Variants in FAM171A2 observed in about 807,000 individuals in gnomAD.
The protein encoded by FAM171A2 is protein FAM171A2.
Under a neutral mutation model 34.2 loss-of-function variants are expected in FAM171A2, and 13 were observed. The observed-to-expected ratio is 0.38, with a 90% CI of 0.25 to 0.60. FAM171A2 has a LOEUF of 0.60. Among genes scored for constraint, FAM171A2 ranks in the 20% least tolerant of loss-of-function variants. FAM171A2 has a pLI of 0.62. For missense variants in FAM171A2, 950 were observed against 1,180.7 expected (o/e 0.80, Z 2.86); for synonymous variants, 475 against 561.2 (o/e 0.85, Z 2.17).
At chr17:44,357,920 T>C (rs1301816830) in intron 3 of FAM171A2, among the ~76,000 whole-genome samples, 1 of 152,192 alleles carries the variant, frequency 6.6e-6, no homozygotes, top group Non-Finnish European at 1.5e-5. Flanking sequence ...ATTATCAACC[T>C]CATTTTAGAG....
Position 44,356,524 on chromosome 17 carries a change from G to A in FAM171A2, c.504C>T (p.Thr168=), listed in dbSNP as rs1321505893. ...TAAGTGACGCCCAGAGCTGGCTGTA[G>A]GTGGAGCTGACAGGCAGGCGGGCAG... ...RRAARLPVSS[T]YSQLWASLTP... Residue 168 remains threonine (T), a synonymous_variant, in exon 4 of 8, where the codon ACC becomes ACT. Transcript: ENST00000293443. The A allele has an allele frequency of 6.5e-7, 1 of 1,550,358 alleles. No individual in the cohort carries two copies. The highest frequency in any genetic ancestry group is 8.7e-7 in the Non-Finnish European group (1 of 1,146,876).
Position 44,359,969 on chromosome 17 carries a change from C to T in FAM171A2, c.282G>A (p.Leu94=), listed in dbSNP as rs1022058319. The T allele has an allele frequency of 2.0e-5, 31 of 1,551,430 alleles. No homozygotes were observed. The highest frequency in any genetic ancestry group is 2.7e-5 in the Non-Finnish European group (31 of 1,146,936). The change falls in exon 2 of 8, where the codon CTG becomes CTA. Residue 94 remains leucine (L), a synonymous_variant. Coordinates refer to ENST00000293443, the MANE Select transcript of FAM171A2 (RefSeq NM_198475.3). ...GGAAGCCAGGGCGGGCAGCAGTGAC[C>T]AGCACCCAGGTGCCCAAGCGATAAC... is the stretch of plus-strand genomic sequence containing the variant. ...PLSYRLGTWV[L]VTAARPGFLT...
rs751814906 is a variant in FAM171A2 at position 44,359,676 on chromosome 17, G to A, written c.347-5C>T. The A allele has an allele frequency of 5.8e-6, 9 of 1,549,836 alleles. No homozygotes were observed. Among genetic ancestry groups the A allele is most frequent in the East Asian group, 4.9e-5 (2 of 40,916 alleles). ...AGAGGCTGACAGACGCATACACTGCGGGAGGGATGGCCGGTCAGCTCCAGG... is the reference window on the plus strand; with the variant it reads ...AGAGGCTGACAGACGCATACACTGCAGGAGGGATGGCCGGTCAGCTCCAGG... On this transcript the variant is annotated splice_region_variant and splice_polypyrimidine_tract_variant and intron_variant, in intron 2 of 7. Coordinates refer to ENST00000293443, the MANE Select transcript of FAM171A2 (RefSeq NM_198475.3).
intron 5 of FAM171A2, 25 bp from the exon 6 acceptor site, chr17:44,356,099 C>G: frequency 6.6e-7 from 1 of 1,525,896 alleles, no homozygotes; most frequent in Non-Finnish European, 8.8e-7. Context: ...GGTTTTGTCA[C>G]ACTTGAGTCG....
At chr17:44,359,418 A>T (rs1377120619) in intron 3 of FAM171A2, 161 bp downstream of exon 3, 2 of 622,968 alleles carry the variant, frequency 3.2e-6, no homozygotes, top group East Asian at 5.5e-5. Flanking sequence ...CAATTTGATG[A>T]TGTAGGCACT....
chr17:44,356,634 C>G, intron 3 of FAM171A2, 46 bp from the exon 4 acceptor site: 1 of 1,492,716 alleles, frequency 6.7e-7, no homozygotes, highest in East Asian at 2.5e-5. Context: ...GGACAGGGAT[C>G]CCCAGGGACC....
chr17:44,353,740 A>G lies in FAM171A2; in HGVS notation c.2474T>C (p.Val825Ala). The stretch of plus-strand genomic sequence containing the variant: ...CCAGGCCCTGCGCGGGCGCTACTTG[A>G]CGTTGAACACCATCAGCGGCCGCTC... ...REERPLMVFNVK is the reference protein window; with the variant it reads ...REERPLMVFNAK Residue 825 changes from valine to alanine, a missense_variant, in exon 8 of 8, where the codon GTC becomes GCC. Physicochemically the swap from Val to Ala is moderately conservative, Grantham distance 64. Transcript: ENST00000293443. 7.1e-7 allele frequency: 1 copy of G among 1,416,360 alleles called. No individual in the cohort carries two copies. The highest frequency in any genetic ancestry group is 9.2e-7 in the Non-Finnish European group (1 of 1,083,882). 87.7% of individuals were successfully genotyped at this position (1,416,360 alleles called of 1,614,324 possible). A position where few individuals can be genotyped will look rare whatever the true frequency, so the allele number is the denominator to read the frequency against.
At position 44,354,722 on chromosome 17, in the gene FAM171A2, A is replaced by G; in HGVS notation, c.1492T>C (p.Phe498Leu). Residue 498 changes from phenylalanine to leucine, a missense_variant, in exon 8 of 8, where the codon TTC (phenylalanine) becomes CTC (leucine). Phe to Leu is a conservative substitution (Grantham distance 22). Around this residue, in one of 3 missense-constraint regions of FAM171A2, gnomAD observed 752 missense variants for 924.5 expected, o/e 0.81. Transcript: ENST00000293443. The surrounding 1 kb of genome is among the most constrained non-coding windows in gnomAD (Gnocchi z 5.8). ...KGAAEGKTPD[F>L]LLSQSVDQLA... ...TGGTCCACCGACTGCGACAGCAGGAAGTCGGGGGTCTTGCCCTCGGCCGCC... is the reference window on the plus strand; with the variant it reads ...TGGTCCACCGACTGCGACAGCAGGAGGTCGGGGGTCTTGCCCTCGGCCGCC... The G allele has an allele frequency of 7.5e-7, 1 of 1,332,162 alleles. No homozygotes were observed. Among genetic ancestry groups the G allele is most frequent in the Non-Finnish European group, 9.6e-7 (1 of 1,039,370 alleles). 82.5% of individuals were successfully genotyped at this position (1,332,162 alleles called of 1,614,324 possible).
At position 44,354,537 on chromosome 17, in the gene FAM171A2, G is replaced by T. The variant is rs945036933; in HGVS notation, c.1677C>A (p.Gly559=). 7 of 1,179,840 alleles carry T rather than the reference G, an allele frequency of 5.9e-6. No homozygotes were observed. The South Asian group carries it at 2.9e-4, about 49-fold the overall frequency. The allele number at this position is 1,179,840 out of a possible 1,614,324, so 73.1% of individuals were successfully genotyped here. ...TGCCCTCCGGCGGGGCCGGCTCGTC[G>T]CCCACGCCGGCGGCGCCCGCCTCGC... is the stretch of plus-strand genomic sequence containing the variant. ...LGGEAGAAGV[G]DEPAPPEGTA... The change falls in exon 8 of 8, where the codon GGC becomes GGA. Residue 559 remains glycine (G), a synonymous_variant. Coordinates refer to ENST00000293443, the MANE Select transcript of FAM171A2 (RefSeq NM_198475.3). The surrounding 1 kb of genome is among the most constrained non-coding windows in gnomAD (Gnocchi z 5.8).
rs1385528635 is a variant in FAM171A2 at position 44,354,955 on chromosome 17, G to C, written c.1259C>G (p.Pro420Arg). The C allele has an allele frequency of 6.9e-7, 1 of 1,448,976 alleles. No homozygotes were observed. Among genetic ancestry groups the C allele is most frequent in the East Asian group, 2.6e-5 (1 of 38,042 alleles). The allele number at this position is 1,448,976 out of a possible 1,614,324, so 89.8% of individuals were successfully genotyped here. A position where few individuals can be genotyped will look rare whatever the true frequency, so the allele number is the denominator to read the frequency against. The stretch of plus-strand genomic sequence containing the variant: ...GGCGGCCGGGCGGCTGGCAGAGCGC[G>C]GCTTGGTGCGGAAGAAGTCATCCCG... The part of the protein sequence containing the change: ...SSRDDFFRTK[P>R]RSASRPAAEP... Residue 420 changes from proline to arginine, a missense_variant, in exon 8 of 8, where the codon CCG becomes CGG. Pro to Arg is a moderately radical substitution (Grantham distance 103). Transcript: ENST00000293443. This position sits in a 1 kb window ranked among gnomAD's most constrained non-coding sequence, Gnocchi z 5.8.
rs779840482 is a variant in FAM171A2 at position 44,356,604 on chromosome 17, G to A, written c.440-16C>T. 1.3e-6 allele frequency: 2 copies of A among 1,529,564 alleles called. No homozygotes were observed. The highest frequency in any genetic ancestry group is 1.4e-5 in the African/African-American group (1 of 72,614). The allele number at this position is 1,529,564 out of a possible 1,614,324, so 94.7% of individuals were successfully genotyped here. ...GAGCGGGCACCTGGAGGGAAAGAGG[G>A]GCTGCAGTGGCTTGACCATGGACAG... On this transcript the variant is annotated splice_polypyrimidine_tract_variant and intron_variant, in intron 3 of 7. Transcript: ENST00000293443.
rs115766729 is a variant in FAM171A2, at chr17:44,361,328, G to A, written c.119-1196C>T. On this transcript the variant is annotated intron_variant, in intron 1 of 7. Transcript: ENST00000293443. The stretch of plus-strand genomic sequence containing the variant: ...CCTGCTAACAAGGTGTGTCATGCAT[G>A]TATGGACACCTCAGTGGGGGGCCCA... Among the ~76,000 whole-genome samples, 199 of 152,306 alleles carry A rather than the reference G, an allele frequency of 1.3e-3. 1 individual carries two copies. The highest frequency in any genetic ancestry group is 4.6e-3 in the African/African-American group (191 of 41,552).
rs2048419996 is a variant in FAM171A2, at chr17:44,355,793, G to C, written c.944C>G (p.Thr315Ser). Residue 315 changes from threonine to serine, a missense_variant, in exon 7 of 8, where the codon ACC becomes AGC. Coordinates refer to ENST00000293443, the MANE Select transcript of FAM171A2 (RefSeq NM_198475.3). This position sits in a 1 kb window ranked among gnomAD's most constrained non-coding sequence, Gnocchi z 4.1. Reference sequence around the variant, plus strand: ...TGCCAGGATGGTGAGCAAGAAGATGGTGTGGTAGGTGCCGATGTCCTGGAT... The same window carrying C: ...TGCCAGGATGGTGAGCAAGAAGATGCTGTGGTAGGTGCCGATGTCCTGGAT... ...SGIQDIGTYH[T>S]IFLLTILAAL... The C allele has an allele frequency of 1.9e-6, 3 of 1,551,842 alleles. No homozygotes were observed. Among genetic ancestry groups the C allele is most frequent in the Non-Finnish European group, 2.6e-6 (3 of 1,147,056 alleles).
chr17:44,359,406 T>A, intron 3 of FAM171A2, 173 bp downstream of exon 3: 1 of 615,554 alleles, frequency 1.6e-6, no homozygotes. Context: ...GATTTCTTAC[T>A]CCAATTTGAT....
At chr17:44,358,422 G>A (rs374295855) in intron 3 of FAM171A2, among the ~76,000 whole-genome samples, 3 of 152,228 alleles carry the variant, frequency 2.0e-5, no homozygotes, top group East Asian at 3.9e-4. Context: ...GCCGGGTGAA[G>A]TGACTCGCGC....
Position 44,353,737 on chromosome 17 carries a change from T to G in FAM171A2, c.2477A>C (p.Lys826Thr). 1.4e-6 allele frequency: 2 copies of G among 1,412,580 alleles called. No individual in the cohort carries two copies. Among genetic ancestry groups the G allele is most frequent in the Admixed American group, 2.6e-5 (1 of 37,938 alleles). The allele number at this position is 1,412,580 out of a possible 1,614,324, so 87.5% of individuals were successfully genotyped here. The change falls in exon 8 of 8, where the codon AAG (lysine) becomes ACG (threonine). Residue 826 changes from lysine (K) to threonine (T), a missense_variant. By Grantham distance (78) the Lys-to-Thr change is moderately conservative. This residue lies in a region of FAM171A2 where 191 missense variants were observed against 222.8 expected (regional missense o/e 0.86). Transcript: ENST00000293443. Reference sequence around the variant, plus strand: ...GTGCCAGGCCCTGCGCGGGCGCTACTTGACGTTGAACACCATCAGCGGCCG... The same window carrying G: ...GTGCCAGGCCCTGCGCGGGCGCTACGTGACGTTGAACACCATCAGCGGCCG... The part of the protein sequence containing the change: ...EERPLMVFNV[K>T]
chr17:44,355,229 G>C lies in FAM171A2; in HGVS notation c.1023-38C>G. On this transcript the variant is annotated intron_variant, in intron 7 of 7. Coordinates refer to ENST00000293443, the MANE Select transcript of FAM171A2 (RefSeq NM_198475.3). The surrounding 1 kb of genome is among the most constrained non-coding windows in gnomAD (Gnocchi z 4.1). ...GAGCAGAAGGGGCCGCTCAGGAAAG[G>C]GTGAGGGCCAAAGTAGGCCCCGAAC... The C allele has an allele frequency of 6.5e-7, 1 of 1,545,754 alleles. No homozygotes were observed. The highest frequency in any genetic ancestry group is 8.7e-7 in the Non-Finnish European group (1 of 1,145,254).
At chr17:44,361,116 C>T (rs564410423) in intron 1 of FAM171A2, among the ~76,000 whole-genome samples, 40 of 152,260 alleles carry the variant, frequency 2.6e-4, no homozygotes, top group Admixed American at 7.2e-4. Flanking sequence ...TCCAGGGATG[C>T]CTCTGCCCAC....
chr17:44,353,601 A>T lies in FAM171A2; in HGVS notation c.*132T>A. The T allele has an allele frequency of 4.7e-6, 3 of 634,280 alleles. No homozygotes were observed. Among genetic ancestry groups the T allele is most frequent in the African/African-American group, 2.0e-5 (1 of 51,162 alleles). The allele number at this position is 634,280 out of a possible 1,614,324, so 39.3% of individuals were successfully genotyped here. ...CACGACCCAGCACCAACCACGGAAC[A>T]GCTCCAAGGCCCCTGGGCCCCTCTC... On this transcript the variant is annotated 3_prime_UTR_variant, in exon 8 of 8. Coordinates refer to ENST00000293443, the MANE Select transcript of FAM171A2 (RefSeq NM_198475.3).
Sources: allele counts gnomAD v4.1 joint callset (sites outside exome capture counted in the v4.1 genomes callset), GRCh38; gene constraint gnomAD v4.1.1; regional missense constraint gnomAD v4.1.1; non-coding constraint Gnocchi (gnomAD v3.1); transcripts MANE v1.5; gene names NCBI Gene and HGNC (gene_info 2026-07-23, HGNC 2026-07-21).